Variants in QKI observed in about 807,000 individuals in gnomAD.
The protein encoded by QKI is KH domain-containing RNA-binding protein QKI.
In QKI, 10 loss-of-function variants were observed where a neutral mutation model predicts 39.0. The observed-to-expected ratio is 0.26, with a 90% CI of 0.16 to 0.43. The LOEUF (loss-of-function observed/expected upper bound fraction) is 0.43. QKI is among the 20% of genes least tolerant of loss of function. The probability of loss-of-function intolerance (pLI) is 1.00; values close to 1 mark genes in which losing one functional copy is unlikely to be tolerated. For synonymous variants in QKI, 204 were observed against 155.4 expected (o/e 1.31, Z -2.33); for missense variants, 218 against 428.0 (o/e 0.51, Z 4.33).
At position 163,420,191 on chromosome 6, in the gene QKI, T is replaced by C. The variant is rs556341849; in HGVS notation, c.142+4856T>C. Among the ~76,000 whole-genome samples, 25 of 127,508 alleles carry C rather than the reference T, an allele frequency of 2.0e-4. No individual in the cohort carries two copies. In the East Asian group the frequency reaches 4.1e-3, roughly 21 times the overall value. 83.7% of individuals were successfully genotyped at this position (127,508 alleles called of 152,430 possible). ...TTTTTTTGGTGGTTTTTTTCTTTCC[T>C]TTTTTTTTTTTATGGTTTGGTTTGG... On this transcript the variant is annotated intron_variant, in intron 1 of 7. Transcript: ENST00000361752.
intron 2 of QKI, among the ~76,000 whole-genome samples, chr6:163,461,308 A>G (rs1173165578): frequency 6.6e-6 from 1 of 152,238 alleles, no homozygotes; most frequent in Non-Finnish European, 1.5e-5. Flanking sequence ...TCTGAAAACA[A>G]TACATTTTGT....
chr6:163,469,051 T>G (rs1025065052), intron 2 of QKI, among the ~76,000 whole-genome samples: 2 of 152,036 alleles, frequency 1.3e-5, no homozygotes, highest in African/African-American at 4.8e-5. Context: ...GATTGTTTCA[T>G]TTTTTAAGGT....
At chr6:163,566,672 C>T in intron 6 of QKI, 49 bp from the exon 7 acceptor site, 1 of 1,602,032 alleles carries the variant, frequency 6.2e-7, no homozygotes, top group Non-Finnish European at 8.5e-7. Context: ...GTTTTTTCCC[C>T]CCTTGTGAAT....
At chr6:163,509,439 C>A (rs577816212) in intron 3 of QKI, among the ~76,000 whole-genome samples, 1 of 150,308 alleles carries the variant, frequency 6.7e-6, no homozygotes, top group East Asian at 2.0e-4. Flanking sequence ...CTCCTTCCCC[C>A]TTCTTAATTT....
rs192335516 is a variant in QKI, at chr6:163,500,773, G to C, written c.402+21877G>C. Among the ~76,000 whole-genome samples, 138 of 152,282 alleles carry C rather than the reference G, an allele frequency of 9.1e-4. 1 individual carries two copies. The highest frequency in any genetic ancestry group is 3.0e-3 in the African/African-American group (124 of 41,566). ...ATGAATTAGTTGGAGTCGAAGTTAA[G>C]GAAAGTTGAATGTAAAACCTAAAAG... On this transcript the variant is annotated intron_variant, in intron 3 of 7. Transcript: ENST00000361752.
chr6:163,489,623 A>G (rs1268176926), intron 3 of QKI, among the ~76,000 whole-genome samples: 1 of 150,568 alleles, frequency 6.6e-6, no homozygotes, highest in Admixed American at 6.6e-5. Flanking sequence ...ACTAATTGTA[A>G]TAACTTCTGG....
intron 3 of QKI, among the ~76,000 whole-genome samples, chr6:163,480,644 G>A (rs147216816): frequency 8.5e-4 from 130 of 152,230 alleles, no homozygotes; most frequent in Admixed American, 2.3e-3. Flanking sequence ...AGCAATTTTA[G>A]ATGTATTAAA....
chr6:163,568,246 T>A, intron 7 of QKI: 1 of 984,848 alleles, frequency 1.0e-6, no homozygotes, highest in South Asian at 4.7e-5. Flanking sequence ...TTTAAAGTAG[T>A]TTTTTTCCCC....
chr6:163,540,905 T>C (rs1324373579), intron 4 of QKI, among the ~76,000 whole-genome samples: 2 of 152,084 alleles, frequency 1.3e-5, no homozygotes, highest in Admixed American at 6.6e-5. Context: ...TCCAATCTAG[T>C]TCTAGAGTTT....
At chr6:163,554,114 T>C (rs1782436191) in intron 4 of QKI, among the ~76,000 whole-genome samples, 1 of 152,118 alleles carries the variant, frequency 6.6e-6, no homozygotes, top group Non-Finnish European at 1.5e-5. Context: ...TTCAAGAACC[T>C]CAGGAGCTCA....
chr6:163,445,971 G>A (rs926576345), intron 1 of QKI, among the ~76,000 whole-genome samples: 5 of 152,238 alleles, frequency 3.3e-5, no homozygotes, highest in Middle Eastern at 3.4e-3. Context: ...TGGTTAAGGC[G>A]ATGTCTGTCA....
intron 3 of QKI, among the ~76,000 whole-genome samples, chr6:163,518,188 A>G (rs1275338003): frequency 6.6e-6 from 1 of 152,174 alleles, no homozygotes; most frequent in East Asian, 1.9e-4. Flanking sequence ...TGGCTAGGGA[A>G]ATCTTGTTTT....
At chr6:163,472,879 A>T (rs532208487) in intron 2 of QKI, among the ~76,000 whole-genome samples, 1 of 152,204 alleles carries the variant, frequency 6.6e-6, no homozygotes, top group Admixed American at 6.6e-5. Context: ...TTAGATGTAT[A>T]TGTTAGAAAA....
Position 163,530,749 on chromosome 6 carries a change from C to T in QKI, c.403-4233C>T, listed in dbSNP as rs73784450. Among the ~76,000 whole-genome samples the T allele has an allele frequency of 3.3e-3, 499 of 152,126 alleles. 3 individuals are homozygous for T. Among genetic ancestry groups the T allele is most frequent in the African/African-American group, 0.011 (468 of 41,496 alleles). On this transcript the variant is annotated intron_variant, in intron 3 of 7. Transcript: ENST00000361752. ...GTCGGTCTCTCTCTTCACACTGCACCCCCTCCAAAACACTAAAAGAGGTGC... is the reference window on the plus strand; with the variant it reads ...GTCGGTCTCTCTCTTCACACTGCACTCCCTCCAAAACACTAAAAGAGGTGC...
intron 4 of QKI, among the ~76,000 whole-genome samples, chr6:163,559,089 C>G (rs553324798): frequency 9.2e-5 from 14 of 152,308 alleles, no homozygotes; most frequent in African/African-American, 3.1e-4. Context: ...GGTTTTCTCC[C>G]TTGTTTGACA....
At chr6:163,467,928 C>T (rs1791895525) in intron 2 of QKI, among the ~76,000 whole-genome samples, 1 of 152,022 alleles carries the variant, frequency 6.6e-6, no homozygotes. Flanking sequence ...GCACTTTCAA[C>T]TCAGTGGTGG....
At chr6:163,563,368 A>G (rs1783149623) in intron 5 of QKI, 52 bp from the exon 6 acceptor site, 2 of 1,466,212 alleles carry the variant, frequency 1.4e-6, no homozygotes, top group Admixed American at 2.3e-5. Flanking sequence ...ATTTTTCCGT[A>G]TTTTATACTG....
intron 3 of QKI, among the ~76,000 whole-genome samples, chr6:163,500,312 G>A (rs1388938914): frequency 6.6e-6 from 1 of 152,132 alleles, no homozygotes; most frequent in African/African-American, 2.4e-5. Context: ...TTGGGCAAGA[G>A]TTGAAGGAAG....
chr6:163,536,830 A>G lies in QKI; in HGVS notation c.546+1705A>G, dbSNP rs376592914. ...TTACTTAAATAAATGTGGGAGACAGAATACATCATATTTTTGAGAACTCAC... is the reference window on the plus strand; with the variant it reads ...TTACTTAAATAAATGTGGGAGACAGGATACATCATATTTTTGAGAACTCAC... On this transcript the variant is annotated intron_variant, in intron 4 of 7. Transcript: ENST00000361752. Among the ~76,000 whole-genome samples the G allele has an allele frequency of 7.2e-5, 11 of 152,342 alleles. No individual in the cohort carries two copies. In the East Asian group the frequency reaches 2.1e-3, roughly 29 times the overall value.
Sources: allele counts gnomAD v4.1 joint callset (sites outside exome capture counted in the v4.1 genomes callset), GRCh38; gene constraint gnomAD v4.1.1; transcripts MANE v1.5; gene names NCBI Gene and HGNC (gene_info 2026-07-23, HGNC 2026-07-21).